Variants in AOAH observed in about 807,000 individuals in gnomAD.
The protein encoded by AOAH is acyloxyacyl hydrolase (neutrophil).
A neutral mutation model predicts 92.2 loss-of-function variants in AOAH; 64 were observed. That is an observed-to-expected ratio of 0.69 (90% CI 0.57 to 0.86). The LOEUF (loss-of-function observed/expected upper bound fraction) is 0.86, where lower values mean the gene tolerates loss of function less well. Ranked by LOEUF, AOAH falls within the 40% of genes least tolerant of loss-of-function variation. AOAH has a pLI of 0.00. For synonymous variants in AOAH, 263 were observed against 254.5 expected (o/e 1.03, Z -0.32); for missense variants, 656 against 694.6 (o/e 0.94, Z 0.62).
At chr7:36,719,618 A>G (rs1334289223) in intron 1 of AOAH, among the ~76,000 whole-genome samples, 1 of 152,134 alleles carries the variant, frequency 6.6e-6, no homozygotes, top group Non-Finnish European at 1.5e-5. Context: ...TGGCAATTAA[A>G]AGACAGCTGA....
intron 13 of AOAH, among the ~76,000 whole-genome samples, chr7:36,550,978 A>G (rs1786192190): frequency 6.6e-6 from 1 of 152,146 alleles, no homozygotes; most frequent in African/African-American, 2.4e-5. Flanking sequence ...TACAGGCAGC[A>G]CTGATGTTCT....
At chr7:36,535,365 T>G (rs970436696) in intron 16 of AOAH, among the ~76,000 whole-genome samples, 2 of 152,178 alleles carry the variant, frequency 1.3e-5, no homozygotes, top group Non-Finnish European at 2.9e-5. Flanking sequence ...ATTGAAATCT[T>G]AGGTACCGTA....
At chr7:36,716,013 G>A (rs1425979291) in intron 1 of AOAH, among the ~76,000 whole-genome samples, 3 of 151,874 alleles carry the variant, frequency 2.0e-5, no homozygotes, top group Non-Finnish European at 4.4e-5. Flanking sequence ...CACAGCAAAA[G>A]AAACTACCAT....
chr7:36,689,062 G>T (rs564434043), intron 1 of AOAH, among the ~76,000 whole-genome samples: 3 of 152,240 alleles, frequency 2.0e-5, no homozygotes, highest in South Asian at 2.1e-4. Context: ...TGCAGTGGTT[G>T]GTTGCTGGGG....
chr7:36,721,450 A>G (rs926921774), intron 1 of AOAH, among the ~76,000 whole-genome samples: 2 of 152,092 alleles, frequency 1.3e-5, no homozygotes, highest in African/African-American at 4.8e-5. Flanking sequence ...GTCTCCCCCA[A>G]AAGCCAACTT....
At chr7:36,627,321 G>A (rs1164722512) in intron 6 of AOAH, among the ~76,000 whole-genome samples, 1 of 152,200 alleles carries the variant, frequency 6.6e-6, no homozygotes, top group Non-Finnish European at 1.5e-5. Context: ...CATTTTCAAG[G>A]CAAGCAATTG....
At chr7:36,691,170 T>C (rs4072404) in intron 1 of AOAH, among the ~76,000 whole-genome samples, 15,598 of 152,266 alleles carry the variant, frequency 0.1, 864 homozygotes, top group Admixed American at 0.13. Flanking sequence ...CATATATTAT[T>C]ATCTCATTCA....
At chr7:36,702,560 C>T (rs12701523) in intron 1 of AOAH, among the ~76,000 whole-genome samples, 87,894 of 152,014 alleles carry the variant, frequency 0.58, 25,684 homozygotes, top group East Asian at 0.84. Flanking sequence ...ATTTTGGTTT[C>T]CTAGTGCATA....
chr7:36,545,549 G>T (rs540328530), intron 15 of AOAH, among the ~76,000 whole-genome samples: 1 of 152,190 alleles, frequency 6.6e-6, no homozygotes, highest in Admixed American at 6.5e-5. Context: ...AACCTGAAGC[G>T]TTGGCATTGA....
At chr7:36,582,752 G>C (rs1161993119) in intron 12 of AOAH, among the ~76,000 whole-genome samples, 1 of 152,118 alleles carries the variant, frequency 6.6e-6, no homozygotes, top group Non-Finnish European at 1.5e-5. Context: ...TCTTCCAAAG[G>C]CTTTGTAGCC....
chr7:36,703,410 T>C (rs1249574688), intron 1 of AOAH, among the ~76,000 whole-genome samples: 1 of 152,202 alleles, frequency 6.6e-6, no homozygotes, highest in African/African-American at 2.4e-5. Context: ...CTTTTTAAAT[T>C]ATACTTTAAG....
In AOAH at chr7:36,723,870, T is replaced by G. The variant is rs796903621; in HGVS notation, c.127+152A>C. 6 of 767,352 alleles carry G rather than the reference T, an allele frequency of 7.8e-6. 1 individual carries two copies. In the South Asian group the frequency reaches 1.2e-4, roughly 15 times the overall value. 47.5% of individuals were successfully genotyped at this position (767,352 alleles called of 1,614,324 possible). A position where few individuals can be genotyped will look rare whatever the true frequency, so the allele number is the denominator to read the frequency against. ...GTAGTGTCAATGTCTACTCTTAGAC[T>G]CCACATTTCTCTGTGTCAGTGAGGT... On this transcript the variant is annotated intron_variant, in intron 1 of 20. Coordinates refer to ENST00000617537, the MANE Select transcript of AOAH (RefSeq NM_001637.4).
At chr7:36,553,498 AC>A (rs1583801915) in intron 13 of AOAH, among the ~76,000 whole-genome samples, 1 of 151,854 alleles carries the variant, frequency 6.6e-6, no homozygotes, top group African/African-American at 2.4e-5. Context: ...TTGGATGTAT[AC>A]CCAGTAATGG....
intron 3 of AOAH, among the ~76,000 whole-genome samples, chr7:36,664,898 G>A (rs887910511): frequency 2.0e-5 from 3 of 152,200 alleles, no homozygotes; most frequent in African/African-American, 4.8e-5. Context: ...GAGAGCAGGA[G>A]TGAGAGAGTG....
intron 20 of AOAH, among the ~76,000 whole-genome samples, chr7:36,515,499 A>C (rs1783591376): frequency 6.9e-5 from 1 of 14,514 alleles, no homozygotes; most frequent in African/African-American, 1.6e-4. Flanking sequence ...CACATACATC[A>C]CAAACACACC....
At chr7:36,522,174 C>A in intron 19 of AOAH, 59 bp from the exon 20 acceptor site, 2 of 1,539,310 alleles carry the variant, frequency 1.3e-6, no homozygotes, top group South Asian at 1.1e-5. Flanking sequence ...GGCCAATATC[C>A]AAGGACAAGG....
intron 13 of AOAH, among the ~76,000 whole-genome samples, chr7:36,562,420 A>AT (rs1179522011): frequency 6.6e-6 from 1 of 152,232 alleles, no homozygotes; most frequent in Admixed American, 6.5e-5. Context: ...AGAAGTCTAT[A>AT]TTCTGATCCC....
At chr7:36,606,059 AAATAT>A (rs919825383) in intron 11 of AOAH, among the ~76,000 whole-genome samples, 15 of 152,234 alleles carry the variant, frequency 9.9e-5, no homozygotes, top group African/African-American at 3.6e-4. Context: ...CTTCATCTTA[AAATAT>A]AATAAGAAAG....
intron 6 of AOAH, among the ~76,000 whole-genome samples, chr7:36,628,290 A>C (rs1471918972): frequency 1.3e-5 from 2 of 152,238 alleles, no homozygotes. Flanking sequence ...ATTTTTAAAA[A>C]GAGGGGATCC....
Sources: gnomAD v4.1 joint callset for allele counts (sites outside exome capture counted in the v4.1 genomes callset) on GRCh38, gnomAD v4.1.1 for gene constraint, MANE v1.5 for transcripts, NCBI Gene and HGNC (gene_info 2026-07-23, HGNC 2026-07-21) for gene names.